TENM4: variants seen among roughly 807,000 people sequenced by gnomAD.
The protein encoded by TENM4 is teneurin transmembrane protein 4.
A neutral mutation model predicts 243.3 loss-of-function variants in TENM4; 82 were observed. The observed-to-expected ratio is 0.34, with a 90% CI of 0.28 to 0.40. The LOEUF (loss-of-function observed/expected upper bound fraction) is 0.40, where lower values mean the gene tolerates loss of function less well. Among genes scored for constraint, TENM4 ranks in the 10% least tolerant of loss-of-function variants. The probability of loss-of-function intolerance (pLI) is 1.00; values close to 1 mark genes in which losing one functional copy is unlikely to be tolerated. For missense variants in TENM4, 3,138 were observed against 3,673.3 expected, an observed-to-expected ratio of 0.85 and a Z score of 3.77; for synonymous variants, 1,412 against 1,456.3, an observed-to-expected ratio of 0.97 and a Z score of 0.69.
intron 3 of TENM4, among the ~76,000 whole-genome samples, chr11:79,195,378 C>T (rs1200171815): frequency 5.3e-5 from 8 of 152,132 alleles, no homozygotes; most frequent in Non-Finnish European, 4.4e-5. Context: ...CAGCTTGCAC[C>T]GTGCACCTGC....
rs145363213 is a variant in TENM4 at position 78,999,264 on chromosome 11, A to G, written c.493+65474T>C. Reference sequence around the variant, plus strand: ...CGGGGTGGCTCACGCCCGTAATCCTAGCACTTTGGGAGGCTGAGGTGGGTG... The same window carrying G: ...CGGGGTGGCTCACGCCCGTAATCCTGGCACTTTGGGAGGCTGAGGTGGGTG... On this transcript the variant is annotated intron_variant, in intron 6 of 33. Transcript: ENST00000278550. 9.8e-3 allele frequency among the ~76,000 whole-genome samples: 1,487 copies of G among 152,312 alleles called. 36 individuals are homozygous for G. Among genetic ancestry groups the G allele is most frequent in the African/African-American group, 0.034 (1,407 of 41,568 alleles).
At chr11:79,113,026 T>C (rs1229241707) in intron 4 of TENM4, among the ~76,000 whole-genome samples, 1 of 152,118 alleles carries the variant, frequency 6.6e-6, no homozygotes, top group Non-Finnish European at 1.5e-5. Context: ...GTTTCAGCAA[T>C]TTTCAGGCCT....
intron 1 of TENM4, among the ~76,000 whole-genome samples, chr11:79,412,254 C>A (rs1858716605): frequency 6.6e-6 from 1 of 152,258 alleles, no homozygotes; most frequent in African/African-American, 2.4e-5. Flanking sequence ...GGATAACCAA[C>A]AGGCTGTGAG....
intron 6 of TENM4, among the ~76,000 whole-genome samples, chr11:78,963,702 A>G (rs926155230): frequency 2.7e-5 from 4 of 149,520 alleles, no homozygotes; most frequent in Non-Finnish European, 4.4e-5. Flanking sequence ...ACAGTCACCA[A>G]TTCCTATAGG....
At chr11:78,934,915 A>G (rs181448737) in intron 6 of TENM4, among the ~76,000 whole-genome samples, 142 of 145,372 alleles carry the variant, frequency 9.8e-4, no homozygotes, top group African/African-American at 3.3e-3. Context: ...ACTATGCAGG[A>G]GGGGGTTGTG....
chr11:78,944,396 G>GA (rs1856968969), intron 6 of TENM4, among the ~76,000 whole-genome samples: 1 of 152,162 alleles, frequency 6.6e-6, no homozygotes, highest in South Asian at 2.1e-4. Flanking sequence ...CCTAGGCTCT[G>GA]AAAAAACCAG....
At chr11:78,745,488 T>A (rs1013373433) in intron 19 of TENM4, among the ~76,000 whole-genome samples, 6 of 151,796 alleles carry the variant, frequency 4.0e-5, no homozygotes, top group Non-Finnish European at 8.8e-5. Context: ...CCTTGGCCTC[T>A]CAAAGTGGTA....
intron 6 of TENM4, among the ~76,000 whole-genome samples, chr11:79,006,940 G>T (rs1858500534): frequency 6.6e-6 from 1 of 152,156 alleles, no homozygotes; most frequent in Non-Finnish European, 1.5e-5. Flanking sequence ...ACAGCAGATT[G>T]CCCTCCTTCA....
In TENM4 at chr11:78,807,588, G is replaced by A. The variant is rs1457962991; in HGVS notation, c.1979-2096C>T. On this transcript the variant is annotated intron_variant, in intron 14 of 33. Coordinates refer to ENST00000278550, the MANE Select transcript of TENM4 (RefSeq NM_001098816.3). The stretch of plus-strand genomic sequence containing the variant: ...GGATTGGTAAAGGAGGTCGATTCAT[G>A]TTCTTTCTCTACCAAAAAGTTGTTA... 5.3e-5 allele frequency among the ~76,000 whole-genome samples: 8 copies of A among 152,218 alleles called. No individual in the cohort carries two copies. The East Asian group carries it at 1.5e-3, about 29-fold the overall frequency.
intron 2 of TENM4, among the ~76,000 whole-genome samples, chr11:79,227,369 C>A (rs1275818142): frequency 6.6e-6 from 1 of 152,196 alleles, no homozygotes; most frequent in Non-Finnish European, 1.5e-5. Flanking sequence ...CAGTTCTTTA[C>A]ATTAAATTCT....
At chr11:78,903,162 G>A (rs1025352726) in intron 7 of TENM4, 106 bp downstream of exon 7, 4 of 1,382,082 alleles carry the variant, frequency 2.9e-6, no homozygotes, top group African/African-American at 1.5e-5. Context: ...CAGCTCCTCC[G>A]GCCGGCGTTA....
chr11:79,110,686 A>G (rs1861483571), intron 4 of TENM4, among the ~76,000 whole-genome samples: 1 of 152,150 alleles, frequency 6.6e-6, no homozygotes, highest in Non-Finnish European at 1.5e-5. Flanking sequence ...TCCAAAGCTC[A>G]GGTCAAAAAA....
At chr11:78,891,384 G>T (rs1273810453) in intron 7 of TENM4, 48 bp from the exon 8 acceptor site, 1 of 1,491,222 alleles carries the variant, frequency 6.7e-7, no homozygotes. Flanking sequence ...ATGCATTGAT[G>T]AAGGGGGCTA....
At chr11:79,322,322 C>T (rs496546) in intron 1 of TENM4, among the ~76,000 whole-genome samples, 127,437 of 152,182 alleles carry the variant, frequency 0.84, 54,068 homozygotes, top group African/African-American at 0.95. Context: ...GCCCTATGCC[C>T]GGCTTAATAT....
chr11:79,126,917 T>C (rs1861890797), intron 4 of TENM4, among the ~76,000 whole-genome samples: 1 of 152,220 alleles, frequency 6.6e-6, no homozygotes, highest in Non-Finnish European at 1.5e-5. Flanking sequence ...TGGGGACTAC[T>C]GGACACTGGC....
chr11:78,786,761 C>A, intron 16 of TENM4, 137 bp downstream of exon 16: 1 of 1,255,300 alleles, frequency 8.0e-7, no homozygotes, highest in Non-Finnish European at 1.1e-6. Flanking sequence ...AAATGCCAGT[C>A]ATAATACCTC....
chr11:78,882,018 T>C (rs1855442178), intron 9 of TENM4, among the ~76,000 whole-genome samples: 1 of 152,188 alleles, frequency 6.6e-6, no homozygotes, highest in Non-Finnish European at 1.5e-5. Flanking sequence ...TTTTCCTCCT[T>C]CTAAAAGACC....
intron 6 of TENM4, among the ~76,000 whole-genome samples, chr11:78,908,402 T>C: frequency 6.6e-6 from 1 of 152,240 alleles, no homozygotes; most frequent in East Asian, 1.9e-4. Context: ...TGGTAACTAT[T>C]AATTCCACAA....
chr11:78,860,077 T>C (rs1413955963), intron 10 of TENM4, among the ~76,000 whole-genome samples: 1 of 152,240 alleles, frequency 6.6e-6, no homozygotes, highest in Non-Finnish European at 1.5e-5. Context: ...AATTCTTGGA[T>C]TATCATACAT....
Sources: gnomAD v4.1 joint callset for allele counts (sites outside exome capture counted in the v4.1 genomes callset) on GRCh38, gnomAD v4.1.1 for gene constraint, MANE v1.5 for transcripts, NCBI Gene and HGNC (gene_info 2026-07-23, HGNC 2026-07-21) for gene names.